The following PGPEP1L variants were observed in gnomAD, a reference collection of about 807,000 sequenced individuals.
PGPEP1L encodes pyroglutamyl-peptidase I like.
PGPEP1L carries 7 observed loss-of-function variants against 6.0 expected under a neutral mutation model. The ratio of observed to expected loss-of-function variants is 1.17; its 90% CI spans 0.66 to 2.19. PGPEP1L has a LOEUF of 2.19. Among genes scored for constraint, PGPEP1L ranks in the 30% most tolerant of loss-of-function variants. The pLI, the probability that PGPEP1L is intolerant of heterozygous loss-of-function variation, is 0.00. For synonymous variants in PGPEP1L, 103 were observed against 83.9 expected (o/e 1.23, Z -1.24); for missense variants, 209 against 192.5 (o/e 1.09, Z -0.51).
At chr15:99,007,239 A>G (rs1995796) in intron 1 of PGPEP1L, 120 bp downstream of exon 1, 126,806 of 152,252 alleles carry the variant, frequency 0.83, 52,969 homozygotes, top group East Asian at 0.93. Context: ...GATGCAGAGG[A>G]TTTTTGTACT....
chr15:99,007,110 A>C (rs1290080056), intron 1 of PGPEP1L, among the ~76,000 whole-genome samples: 1 of 152,118 alleles, frequency 6.6e-6, no homozygotes, highest in Non-Finnish European at 1.5e-5. Context: ...AATTCCCTTT[A>C]ATTAGCTCCT....
chr15:98,988,456 G>A (rs892150007), intron 2 of PGPEP1L, among the ~76,000 whole-genome samples: 4 of 152,178 alleles, frequency 2.6e-5, no homozygotes, highest in Admixed American at 6.5e-5. Context: ...TCCTCTCTGG[G>A]AAGGGCATCT....
At chr15:98,981,704 G>C (rs998906554) in intron 2 of PGPEP1L, among the ~76,000 whole-genome samples, 1 of 152,070 alleles carries the variant, frequency 6.6e-6, no homozygotes, top group Non-Finnish European at 1.5e-5. Context: ...ATTCCTACTG[G>C]TTCCGTCATT....
intron 2 of PGPEP1L, among the ~76,000 whole-genome samples, chr15:98,977,486 G>A (rs1461735887): frequency 6.6e-6 from 1 of 152,124 alleles, no homozygotes; most frequent in African/African-American, 2.4e-5. Context: ...CAAAATTTAG[G>A]AAATTTCCAG....
chr15:98,968,533 T>G lies in PGPEP1L; in HGVS notation c.374A>C (p.His125Pro). The G allele has an allele frequency of 1.2e-6, 2 of 1,613,522 alleles. No individual in the cohort carries two copies. Among genetic ancestry groups the G allele is most frequent in the South Asian group, 2.2e-5 (2 of 90,892 alleles). ...EMLEEVGKPKHRAQFEENSTM... is the reference protein window; with the variant it reads ...EMLEEVGKPKPRAQFEENSTM... Reference sequence around the variant, plus strand: ...TGAGTTTTCTTCGAACTGGGCTCTGTGCTTGGGCTTTCCCACCTCTTCCAG... The same window carrying G: ...TGAGTTTTCTTCGAACTGGGCTCTGGGCTTGGGCTTTCCCACCTCTTCCAG... The change falls in exon 5 of 5, where the codon CAC becomes CCC. Residue 125 changes from histidine (H) to proline (P), a missense_variant. Coordinates refer to ENST00000535714, the MANE Select transcript of PGPEP1L (RefSeq NM_001167902.2).
At chr15:98,982,563 G>T (rs2017680036) in intron 2 of PGPEP1L, among the ~76,000 whole-genome samples, 1 of 152,134 alleles carries the variant, frequency 6.6e-6, no homozygotes, top group African/African-American at 2.4e-5. Context: ...GGAGGCCAAT[G>T]TTCAGATAAC....
intron 2 of PGPEP1L, among the ~76,000 whole-genome samples, chr15:98,984,031 T>TTTC (rs2017708597): frequency 8.1e-6 from 1 of 123,516 alleles, no homozygotes; most frequent in Admixed American, 7.8e-5. Flanking sequence ...TTTTTTTTTT[T>TTTC]TTCTATTTTG....
chr15:98,971,373 A>G (rs2017494710), intron 2 of PGPEP1L, among the ~76,000 whole-genome samples: 1 of 152,190 alleles, frequency 6.6e-6, no homozygotes. Flanking sequence ...ACCTGTCTGT[A>G]ATCCCAGCTA....
intron 1 of PGPEP1L, among the ~76,000 whole-genome samples, chr15:99,006,479 A>G (rs140311020): frequency 5.3e-5 from 8 of 152,264 alleles, no homozygotes; most frequent in African/African-American, 1.9e-4. Context: ...TATTTCCTCT[A>G]TCGAAAAAGC....
intron 2 of PGPEP1L, among the ~76,000 whole-genome samples, chr15:98,974,209 T>A (rs1436787537): frequency 3.3e-5 from 5 of 151,926 alleles, no homozygotes; most frequent in Non-Finnish European, 5.9e-5. Context: ...CGAACCCGTC[T>A]GTACTAAAAG....
chr15:98,997,571 C>G (rs782460949), intron 2 of PGPEP1L, among the ~76,000 whole-genome samples: 42 of 152,164 alleles, frequency 2.8e-4, no homozygotes, highest in Non-Finnish European at 4.7e-4. Context: ...GTGCTTTCTC[C>G]TAGTTGGCTT....
intron 3 of PGPEP1L, 49 bp from the exon 4 acceptor site, chr15:98,969,700 C>T (rs1279831240): frequency 2.5e-6 from 4 of 1,580,112 alleles, no homozygotes; most frequent in Admixed American, 1.7e-5. Flanking sequence ...CGAGGCCCAC[C>T]CTGCTCACCA....
chr15:98,975,223 G>A (rs187344500), intron 2 of PGPEP1L, among the ~76,000 whole-genome samples: 3 of 152,162 alleles, frequency 2.0e-5, no homozygotes, highest in African/African-American at 7.2e-5. Context: ...GCCAGGCACA[G>A]ACACACAAAC....
intron 2 of PGPEP1L, among the ~76,000 whole-genome samples, chr15:98,987,919 G>A (rs1555471685): frequency 6.6e-6 from 1 of 152,146 alleles, no homozygotes; most frequent in African/African-American, 2.4e-5. Flanking sequence ...GGGAAGCTGT[G>A]AGAGACTGTA....
intron 1 of PGPEP1L, among the ~76,000 whole-genome samples, chr15:99,006,447 G>T (rs557195359): frequency 6.6e-6 from 1 of 152,368 alleles, no homozygotes; most frequent in Non-Finnish European, 1.5e-5. Flanking sequence ...CAGAATAACT[G>T]AAAAAGGCTA....
chr15:98,985,909 C>A (rs555776608), intron 2 of PGPEP1L, among the ~76,000 whole-genome samples: 1 of 152,362 alleles, frequency 6.6e-6, no homozygotes, highest in East Asian at 1.9e-4. Flanking sequence ...TTCCCAGCTA[C>A]CCTCCCTCCA....
intron 2 of PGPEP1L, among the ~76,000 whole-genome samples, chr15:98,975,860 G>A (rs1042012954): frequency 6.6e-6 from 1 of 152,050 alleles, no homozygotes; most frequent in African/African-American, 2.4e-5. Context: ...CAGCTTGGGC[G>A]ACAGAGCGAG....
Position 98,984,068 on chromosome 15 carries a change from G to A in PGPEP1L, c.-141-12910C>T, listed in dbSNP as rs143634696. Among the ~76,000 whole-genome samples, 785 of 144,324 alleles carry A rather than the reference G, an allele frequency of 5.4e-3. 7 individuals carry two copies. Among genetic ancestry groups the A allele is most frequent in the Non-Finnish European group, 8.3e-3 (556 of 67,098 alleles). The allele number at this position is 144,324 out of a possible 152,430, so 94.7% of individuals were successfully genotyped here. A position where few individuals can be genotyped will look rare whatever the true frequency, so the allele number is the denominator to read the frequency against. On this transcript the variant is annotated intron_variant, in intron 2 of 4. Transcript: ENST00000535714. ...GTCTCACTCTGTCGCCCAGGCTGGAGTGCAGTGGCGCAGCTCACTGCAAGA... is the reference window on the plus strand; with the variant it reads ...GTCTCACTCTGTCGCCCAGGCTGGAATGCAGTGGCGCAGCTCACTGCAAGA...
Position 98,968,434 on chromosome 15 carries a change from CA to C in PGPEP1L, c.*43del. 2 of 1,572,442 alleles carry C rather than the reference CA, an allele frequency of 1.3e-6. No homozygotes were observed. ...TCAATGCACAGTTGAGTGCTACATA[CA>C]GGATTGAAACATTCAATTTTCTCTA... On this transcript the variant is annotated 3_prime_UTR_variant, in exon 5 of 5. Transcript: ENST00000535714.
Sources: gnomAD v4.1 joint callset for allele counts (sites outside exome capture counted in the v4.1 genomes callset) on GRCh38, gnomAD v4.1.1 for gene constraint, MANE v1.5 for transcripts, NCBI Gene and HGNC (gene_info 2026-07-23, HGNC 2026-07-21) for gene names.